Variants in PRH1 observed in about 807,000 individuals in gnomAD.
PRH1 encodes proline rich protein HaeIII subfamily 1.
Under a neutral mutation model 7.9 loss-of-function variants are expected in PRH1, and 7 were observed. The ratio of observed to expected loss-of-function variants is 0.89; its 90% CI spans 0.50 to 1.67. The LOEUF (loss-of-function observed/expected upper bound fraction) is 1.67, where lower values mean the gene tolerates loss of function less well. Among genes scored for constraint, PRH1 ranks in the 40% most tolerant of loss-of-function variants. The pLI, the probability that PRH1 is intolerant of heterozygous loss-of-function variation, is 0.00. For synonymous variants in PRH1, 45 were observed against 80.8 expected (o/e 0.56, Z 2.38); for missense variants, 109 against 223.6 (o/e 0.49, Z 3.27).
chr12:11,068,546 C>T (rs1258667232), intron 1 of PRH1, among the ~76,000 whole-genome samples: 1 of 152,138 alleles, frequency 6.6e-6, no homozygotes, highest in Non-Finnish European at 1.5e-5. Flanking sequence ...ATTTGGAGGA[C>T]ATGCATAAAG....
At chr12:10,994,728 T>C (rs568762100) in intron 1 of PRH1, among the ~76,000 whole-genome samples, 3 of 152,304 alleles carry the variant, frequency 2.0e-5, no homozygotes, top group Admixed American at 2.0e-4. Context: ...GTGATTAAAG[T>C]GGTCATTTAG....
Position 11,014,682 on chromosome 12 carries a change from C to T in PRH1, c.-126+32338G>A, listed in dbSNP as rs551416733. ...TCAATAATTGAAGGAAAGTGTAAGT[C>T]CCCTTGAAAAGGATGCTGAAAATTC... On this transcript the variant is annotated intron_variant, in intron 1 of 3. Transcript: ENST00000539853. Among the ~76,000 whole-genome samples the T allele has an allele frequency of 2.6e-5, 4 of 152,208 alleles. No individual in the cohort carries two copies. In the East Asian group the frequency reaches 5.8e-4, roughly 22 times the overall value.
chr12:11,165,068 T>G (rs909010800), intron 1 of PRH1, among the ~76,000 whole-genome samples: 1 of 152,368 alleles, frequency 6.6e-6, no homozygotes, highest in African/African-American at 2.4e-5. Flanking sequence ...TGTTGTTGCA[T>G]GTAAAAGTGA....
intron 2 of PRH1, among the ~76,000 whole-genome samples, chr12:10,935,343 A>G (rs1950271642): frequency 6.6e-6 from 1 of 152,172 alleles, no homozygotes; most frequent in African/African-American, 2.4e-5. Flanking sequence ...TGACATTAAA[A>G]AATATTATAT....
intron 1 of PRH1, among the ~76,000 whole-genome samples, chr12:11,114,382 A>C (rs1945673802): frequency 6.6e-6 from 1 of 152,192 alleles, no homozygotes; most frequent in Non-Finnish European, 1.5e-5. Flanking sequence ...GGAAACCATC[A>C]TTCTCAGCAA....
Position 11,093,472 on chromosome 12 carries a change from G to A in PRH1, n.124-46284C>T, listed in dbSNP as rs1467087537. The stretch of plus-strand genomic sequence containing the variant: ...AAAATAAAAAATGAGTTTCCAAGAG[G>A]CTGTGCAGATGAAATTAGTCCTATT... On this transcript the variant is annotated intron_variant and non_coding_transcript_variant, in intron 1 of 4. Transcript: ENST00000541977. Among the ~76,000 whole-genome samples the A allele has an allele frequency of 1.7e-5, 2 of 115,676 alleles. 1 individual carries two copies. Among genetic ancestry groups the A allele is most frequent in the Non-Finnish European group, 4.1e-5 (2 of 48,952 alleles). The allele number at this position is 115,676 out of a possible 152,430, so 75.9% of individuals were successfully genotyped here. A position where few individuals can be genotyped will look rare whatever the true frequency, so the allele number is the denominator to read the frequency against.
intron 2 of PRH1, among the ~76,000 whole-genome samples, chr12:10,907,016 A>C (rs958994913): frequency 1.3e-5 from 2 of 152,232 alleles, no homozygotes; most frequent in Non-Finnish European, 2.9e-5. Flanking sequence ...CATTAGGAAA[A>C]TGTGAATTAA....
At chr12:11,004,818 G>A (rs547651492) in intron 1 of PRH1, among the ~76,000 whole-genome samples, 50 of 151,894 alleles carry the variant, frequency 3.3e-4, no homozygotes, top group Non-Finnish European at 5.7e-4. Context: ...CATATTGTAG[G>A]GGAAATTTCA....
intron 1 of PRH1, among the ~76,000 whole-genome samples, chr12:11,103,201 G>A (rs1945308380): frequency 6.6e-6 from 1 of 150,980 alleles, no homozygotes. Context: ...ATATATAAAC[G>A]AAGGATTATA....
At chr12:11,128,108 C>CT (rs1391615157) in intron 1 of PRH1, among the ~76,000 whole-genome samples, 1 of 40,282 alleles carries the variant, frequency 2.5e-5, no homozygotes, top group African/African-American at 7.0e-5. Context: ...GAGACTCAGT[C>CT]TCAAAAAAAA....
chr12:11,098,241 T>C (rs898157314), intron 1 of PRH1, among the ~76,000 whole-genome samples: 4 of 150,040 alleles, frequency 2.7e-5, no homozygotes, highest in Admixed American at 6.7e-5. Context: ...TGACCTTAAA[T>C]TCTATATGCA....
At chr12:11,032,779 C>T (rs2136105445) in intron 1 of PRH1, among the ~76,000 whole-genome samples, 2 of 152,214 alleles carry the variant, frequency 1.3e-5, no homozygotes, top group Middle Eastern at 6.8e-3. Flanking sequence ...ATATATAATC[C>T]TGCAGTATCC....
In PRH1 at chr12:11,030,258, C is replaced by T. The variant is rs1942122972; in HGVS notation, c.-126+16762G>A. The T allele has an allele frequency of 1.9e-5, 23 of 1,221,352 alleles. No individual in the cohort carries two copies. The South Asian group carries it at 3.9e-4, about 21-fold the overall frequency. The allele number at this position is 1,221,352 out of a possible 1,614,324, so 75.7% of individuals were successfully genotyped here. A position where few individuals can be genotyped will look rare whatever the true frequency, so the allele number is the denominator to read the frequency against. On this transcript the variant is annotated intron_variant, in intron 1 of 3. Coordinates refer to the PRH1 transcript ENST00000539853. Reference sequence around the variant, plus strand: ...ACATATATATATTTTTTTTTCTAGACTAATATTAGGTCAAAGGCTTTTCTA... The same window carrying T: ...ACATATATATATTTTTTTTTCTAGATTAATATTAGGTCAAAGGCTTTTCTA...
chr12:11,041,288 C>CAAAAAAAAAAAAAAAA (rs67144212), intron 1 of PRH1, among the ~76,000 whole-genome samples: 12 of 81,386 alleles, frequency 1.5e-4, no homozygotes, highest in South Asian at 4.9e-4. Context: ...CAATGCAAAC[C>CAAAAAAAAAAAAAAAA]AAAAAAAAAA....
chr12:11,163,060 G>A (rs140973564), intron 1 of PRH1, among the ~76,000 whole-genome samples: 1 of 152,062 alleles, frequency 6.6e-6, no homozygotes, highest in Admixed American at 6.6e-5. Flanking sequence ...GTTTAAGAAT[G>A]GTATTGTCAA....
intron 1 of PRH1, among the ~76,000 whole-genome samples, chr12:11,141,430 G>A (rs1291677871): frequency 6.6e-6 from 1 of 152,130 alleles, no homozygotes; most frequent in African/African-American, 2.4e-5. Context: ...AAGATGAGTA[G>A]ATGTTAAAAT....
intron 2 of PRH1, among the ~76,000 whole-genome samples, chr12:10,922,008 C>G (rs1950052247): frequency 6.6e-6 from 1 of 152,162 alleles, no homozygotes; most frequent in African/African-American, 2.4e-5. Context: ...TGAACTCAAG[C>G]ATCCACCTGT....
At chr12:10,901,703 G>A (rs1395656133) in intron 2 of PRH1, among the ~76,000 whole-genome samples, 9 of 152,098 alleles carry the variant, frequency 5.9e-5, no homozygotes, top group Admixed American at 5.9e-4. Flanking sequence ...GAACCGCACA[G>A]TCTAATATAA....
At chr12:10,947,746 G>A (rs1317915098) in intron 2 of PRH1, among the ~76,000 whole-genome samples, 2 of 151,670 alleles carry the variant, frequency 1.3e-5, no homozygotes, top group Non-Finnish European at 2.9e-5. Flanking sequence ...GTGTTTCAGG[G>A]TTTTTTTTAT....
Sources: gnomAD v4.1 joint callset for allele counts (sites outside exome capture counted in the v4.1 genomes callset) on GRCh38, gnomAD v4.1.1 for gene constraint, MANE v1.5 for transcripts, NCBI Gene and HGNC (gene_info 2026-07-23, HGNC 2026-07-21) for gene names.